The following TTLL11 variants were observed in gnomAD, a reference collection of about 807,000 sequenced individuals.
TTLL11 encodes the protein tubulin polyglutamylase TTLL11.
Under a neutral mutation model 51.7 loss-of-function variants are expected in TTLL11, and 42 were observed. The observed-to-expected ratio is 0.81, with a 90% confidence interval of 0.64 to 1.05. TTLL11 has a LOEUF of 1.05. Among genes scored for constraint, TTLL11 ranks in the 50% least tolerant of loss-of-function variants. The pLI is 0.00. For synonymous variants in TTLL11, 381 were observed against 383.5 expected (o/e 0.99, Z 0.08); for missense variants, 799 against 940.4 (o/e 0.85, Z 1.97).
chr9:122,020,265 A>G (rs1350233619), intron 3 of TTLL11, among the ~76,000 whole-genome samples: 1 of 152,222 alleles, frequency 6.6e-6, no homozygotes, highest in African/African-American at 2.4e-5. Context: ...TAAACTCATT[A>G]TACAAAATCA....
chr9:122,032,797 CTTTTT>C (rs11371856), intron 2 of TTLL11, among the ~76,000 whole-genome samples: 28 of 138,622 alleles, frequency 2.0e-4, no homozygotes, highest in African/African-American at 7.2e-4. Context: ...TTCATTTTTT[CTTTTT>C]TTTTTTTTTT....
At chr9:122,023,128 C>A (rs1844225733) in intron 3 of TTLL11, among the ~76,000 whole-genome samples, 1 of 151,794 alleles carries the variant, frequency 6.6e-6, no homozygotes, top group African/African-American at 2.4e-5. Context: ...TAAGAGGTAT[C>A]ATTAGTAAAG....
At chr9:122,090,412 C>T (rs529439358) in intron 1 of TTLL11, among the ~76,000 whole-genome samples, 14 of 152,270 alleles carry the variant, frequency 9.2e-5, no homozygotes, top group African/African-American at 3.4e-4. Context: ...ACCACTCCAC[C>T]TCCCACGCTA....
chr9:122,021,593 T>C (rs1422343365), intron 3 of TTLL11, among the ~76,000 whole-genome samples: 1 of 152,112 alleles, frequency 6.6e-6, no homozygotes, highest in Non-Finnish European at 1.5e-5. Flanking sequence ...GACTGTTGCT[T>C]GAGTAGTGAG....
chr9:121,864,930 C>T (rs1420818783), intron 7 of TTLL11, among the ~76,000 whole-genome samples: 1 of 152,122 alleles, frequency 6.6e-6, no homozygotes, highest in Non-Finnish European at 1.5e-5. Context: ...TGTGTTCATC[C>T]TTCTCTGTGC....
At chr9:121,826,492 T>C (rs1183293440) in intron 8 of TTLL11, among the ~76,000 whole-genome samples, 1 of 69,106 alleles carries the variant, frequency 1.4e-5, no homozygotes, top group African/African-American at 6.9e-5. Flanking sequence ...TATATATATA[T>C]ATGTGTGTGT....
chr9:122,015,253 G>C (rs1364300910), intron 3 of TTLL11, among the ~76,000 whole-genome samples: 1 of 152,104 alleles, frequency 6.6e-6, no homozygotes, highest in Non-Finnish European at 1.5e-5. Context: ...AGCATCTTGA[G>C]TTTCAGATGA....
chr9:121,838,781 A>AAGCAAGAAAGCAAGCAAGC (rs1837259775), intron 8 of TTLL11, among the ~76,000 whole-genome samples: 1 of 139,898 alleles, frequency 7.1e-6, no homozygotes, highest in East Asian at 2.1e-4. Context: ...AGCAAGCAAG[A>AAGCAAGAAAGCAAGCAAGC]AAGCAAGCAA....
chr9:121,975,999 A>G (rs552163860), intron 4 of TTLL11, among the ~76,000 whole-genome samples: 19 of 152,304 alleles, frequency 1.2e-4, no homozygotes, highest in African/African-American at 4.3e-4. Flanking sequence ...AGGAAGGCCA[A>G]TGGATTTCCC....
chr9:121,872,482 T>C (rs1564282250), intron 6 of TTLL11, among the ~76,000 whole-genome samples: 2 of 152,260 alleles, frequency 1.3e-5, no homozygotes, highest in Non-Finnish European at 2.9e-5. Flanking sequence ...GAAAGTTTCA[T>C]TGAATCCATT....
chr9:121,881,930 CCT>C (rs1258065404), intron 6 of TTLL11, among the ~76,000 whole-genome samples: 1 of 152,136 alleles, frequency 6.6e-6, no homozygotes, highest in East Asian at 1.9e-4. Context: ...GAATCCTGCC[CCT>C]GTTCCCAACT....
intron 3 of TTLL11, among the ~76,000 whole-genome samples, chr9:121,993,803 G>A (rs1399676796): frequency 6.6e-6 from 1 of 152,192 alleles, no homozygotes. Flanking sequence ...GCAGGTAAGA[G>A]GCCAATTTCT....
intron 2 of TTLL11, among the ~76,000 whole-genome samples, chr9:122,035,442 C>T (rs1443744349): frequency 6.6e-6 from 1 of 152,230 alleles, no homozygotes; most frequent in African/African-American, 2.4e-5. Context: ...GGGTCTCACC[C>T]CATTCAAGTT....
intron 4 of TTLL11, among the ~76,000 whole-genome samples, chr9:121,975,408 C>A (rs7867807): frequency 0.28 from 42,360 of 151,996 alleles, 6,494 homozygotes; most frequent in Non-Finnish European, 0.32. Context: ...CATATAAGGA[C>A]CCCGTTCAAA....
chr9:121,897,617 G>A (rs1399124662), intron 6 of TTLL11, among the ~76,000 whole-genome samples: 1 of 61,506 alleles, frequency 1.6e-5, no homozygotes, highest in Admixed American at 1.8e-4. Context: ...TTTCCCTCCA[G>A]GCACACACAC....
intron 6 of TTLL11, among the ~76,000 whole-genome samples, chr9:121,970,733 ACTTTTACACTGTTG>A (rs1311941269): frequency 6.6e-6 from 1 of 152,186 alleles, no homozygotes; most frequent in African/African-American, 2.4e-5. Context: ...AAATAGGAAC[ACTTTTACACTGTTG>A]GTGGGAGTGT....
chr9:122,032,427 T>C lies in TTLL11; in HGVS notation c.560-571A>G, dbSNP rs116007208. 1.7e-3 allele frequency among the ~76,000 whole-genome samples: 265 copies of C among 152,340 alleles called. 1 individual carries two copies. Among genetic ancestry groups the C allele is most frequent in the African/African-American group, 6.2e-3 (256 of 41,580 alleles). On this transcript the variant is annotated intron_variant, in intron 2 of 8. Coordinates refer to ENST00000321582, the MANE Select transcript of TTLL11 (RefSeq NM_001139442.2). ...GAAATAAAAAGAATACCAAAATTTA[T>C]ACTTCAAGGGAAAAATGCAATCTGT... is the stretch of plus-strand genomic sequence containing the variant.
intron 6 of TTLL11, among the ~76,000 whole-genome samples, chr9:121,937,362 C>T (rs879809499): frequency 2.0e-5 from 3 of 152,110 alleles, no homozygotes; most frequent in African/African-American, 7.2e-5. Flanking sequence ...CTGGGGCATA[C>T]AAAAATGAAA....
chr9:121,874,507 T>C (rs1296783259), intron 6 of TTLL11, among the ~76,000 whole-genome samples: 2 of 152,224 alleles, frequency 1.3e-5, no homozygotes, highest in East Asian at 3.8e-4. Context: ...TTTTGATTTC[T>C]TATCTATATT....
Sources: allele counts gnomAD v4.1 joint callset (sites outside exome capture counted in the v4.1 genomes callset), GRCh38; gene constraint gnomAD v4.1.1; transcripts MANE v1.5; gene names NCBI Gene and HGNC (gene_info 2026-07-23, HGNC 2026-07-21).